The following SPDYC variants were observed in gnomAD, a reference collection of about 807,000 sequenced individuals.
The protein encoded by SPDYC is speedy protein C.
A neutral mutation model predicts 33.9 loss-of-function variants in SPDYC; 25 were observed. The ratio of observed to expected loss-of-function variants is 0.74; its 90% CI spans 0.54 to 1.03. The LOEUF is 1.03. SPDYC is among the 50% of genes least tolerant of loss of function. SPDYC has a pLI of 0.00. For synonymous variants in SPDYC, 133 were observed against 140.2 expected, an observed-to-expected ratio of 0.95 and a Z score of 0.36; for missense variants, 349 against 382.9, an observed-to-expected ratio of 0.91 and a Z score of 0.74.
At chr11:65,170,259 C>T (rs765089550) in exon 1 of SPDYC, 9 of 1,580,666 alleles carry the variant, frequency 5.7e-6, no homozygotes, top group East Asian at 2.4e-5. Flanking sequence ...TTCCTGAGCT[C>T]GGGTAAGGCT....
At chr11:65,172,891 T>G (rs1231492545) in exon 6 of SPDYC, 1 of 1,614,140 alleles carries the variant, frequency 6.2e-7, no homozygotes, top group East Asian at 2.2e-5. Context: ...TTCTCTGACC[T>G]CTGAATGTCA....
chr11:65,172,790 G>C (rs1228439541), exon 6 of SPDYC: 2 of 1,613,874 alleles, frequency 1.2e-6, no homozygotes, highest in African/African-American at 1.3e-5. Context: ...CTTCCCCGGG[G>C]CCCTGGCCTC....
At chr11:65,172,030 G>GA in intron 3 of SPDYC, 29 bp downstream of exon 3, 1 of 1,612,638 alleles carries the variant, frequency 6.2e-7, no homozygotes, top group Non-Finnish European at 8.5e-7. Flanking sequence ...GGGGTCTCTT[G>GA]AGGGTCAGGT....
In SPDYC at chr11:65,173,027, T is replaced by A; in HGVS notation, c.847+13T>A. The A allele has an allele frequency of 6.2e-7, 1 of 1,611,120 alleles. No homozygotes were observed. The highest frequency in any genetic ancestry group is 1.7e-5 in the Admixed American group (1 of 59,826). On this transcript the variant is annotated intron_variant, in intron 6 of 6. Coordinates refer to ENST00000377185, the Ensembl canonical transcript of SPDYC. ...TACTCCCTCCGCAGTGAGTGCAGGA[T>A]GGGACAGGAGCTGGGGGCTGGTGTG...
intron 3 of SPDYC, 48 bp downstream of exon 3, chr11:65,172,049 TG>T: frequency 1.2e-6 from 2 of 1,602,962 alleles, no homozygotes; most frequent in Non-Finnish European, 1.7e-6. Flanking sequence ...GTTGAGTTGG[TG>T]GGAATTGAGT....
In SPDYC at chr11:65,173,180, C is replaced by G; in HGVS notation, c.848-3C>G. 1 of 1,613,982 alleles carries G rather than the reference C, an allele frequency of 6.2e-7. No homozygotes were observed. The highest frequency in any genetic ancestry group is 8.5e-7 in the Non-Finnish European group (1 of 1,179,954). On this transcript the variant is annotated splice_polypyrimidine_tract_variant and splice_region_variant and intron_variant, in intron 6 of 6. Coordinates refer to ENST00000377185, the Ensembl canonical transcript of SPDYC. Reference sequence around the variant, plus strand: ...TCTGAGCCTCACTCTTTCCTCTCCCCAGTCTTCCCAAAGCCTCCGGCACGC... The same window carrying G: ...TCTGAGCCTCACTCTTTCCTCTCCCGAGTCTTCCCAAAGCCTCCGGCACGC...
At chr11:65,173,203 C>T (rs552653826) in exon 7 of SPDYC, 42 of 1,614,018 alleles carry the variant, frequency 2.6e-5, no homozygotes, top group Middle Eastern at 1.6e-4. Context: ...GCCTCCGGCA[C>T]GCCCTGGGCA....
chr11:65,173,071 G>GTGAGGA, intron 6 of SPDYC, 57 bp downstream of exon 6: 1 of 1,599,082 alleles, frequency 6.3e-7, no homozygotes, highest in Non-Finnish European at 8.5e-7. Context: ...GGAGGCAGGA[G>GTGAGGA]TGAGGACCAA....
chr11:65,170,355 T>TCGGCCC (rs1768954483), intron 1 of SPDYC, 94 bp downstream of exon 1: 1 of 1,302,342 alleles, frequency 7.7e-7, no homozygotes, highest in Non-Finnish European at 1.0e-6. Context: ...CACGTTCTCC[T>TCGGCCC]CGGCCCCGTG....
In SPDYC at chr11:65,172,910, C is replaced by T; in HGVS notation, c.743C>T (p.Pro248Leu). ...CTGACCTCTGAATGTCATCGCCCTC[C>T]CTCCCAAAATTATCTCTCAAGGGTC... The change falls in exon 6 of 7, where the codon CCC becomes CTC. Residue 248 changes from proline to leucine, a missense_variant. Coordinates refer to ENST00000377185, the Ensembl canonical transcript of SPDYC. 1.9e-6 allele frequency: 3 copies of T among 1,614,164 alleles called. No individual in the cohort carries two copies. In the South Asian group the frequency reaches 3.3e-5, roughly 18 times the overall value.
intron 2 of SPDYC, 126 bp downstream of exon 2, chr11:65,171,625 A>G (rs1948435288): frequency 8.4e-7 from 1 of 1,184,968 alleles, no homozygotes; most frequent in African/African-American, 1.5e-5. Flanking sequence ...CAGGTATCCC[A>G]GCTTAGGCAG....
At chr11:65,170,457 A>T (rs1300697891) in intron 1 of SPDYC, among the ~76,000 whole-genome samples, 196 bp downstream of exon 1, 1 of 151,726 alleles carries the variant, frequency 6.6e-6, no homozygotes, top group African/African-American at 2.4e-5. Flanking sequence ...AAATCCAGGT[A>T]TTTTTCTAAT....
At chr11:65,172,820 C>G (rs765132991) in exon 6 of SPDYC, 3 of 1,614,190 alleles carry the variant, frequency 1.9e-6, no homozygotes, top group African/African-American at 1.3e-5. Flanking sequence ...CACTGTTCCC[C>G]CTGTGGTTTG....
At chr11:65,172,147 T>C (rs1206763461) in intron 3 of SPDYC, 99 bp from the exon 4 acceptor site, 10 of 1,536,108 alleles carry the variant, frequency 6.5e-6, no homozygotes, top group Non-Finnish European at 9.0e-6. Context: ...ACTGACTTTC[T>C]TTCCCTGCAG....
chr11:65,172,815 T>G (rs772300181), exon 6 of SPDYC: 7 of 1,614,158 alleles, frequency 4.3e-6, no homozygotes, highest in Middle Eastern at 1.6e-4. Context: ...CGCCCCACTG[T>G]TCCCCCTGTG....
At chr11:65,172,588 C>T (rs778625589) in exon 5 of SPDYC, 12 of 1,552,102 alleles carry the variant, frequency 7.7e-6, no homozygotes, top group African/African-American at 4.1e-5. Flanking sequence ...TGTTGTGAGC[C>T]GCCAGTGCTG....
At chr11:65,172,085 C>T (rs1948441990) in intron 3 of SPDYC, 84 bp downstream of exon 3, 2 of 1,518,276 alleles carry the variant, frequency 1.3e-6, no homozygotes, top group South Asian at 2.3e-5. Context: ...GGGAGAGCCA[C>T]TCACCTTCCA....
exon 5 of SPDYC, chr11:65,172,487 T>C: frequency 6.3e-7 from 1 of 1,581,968 alleles, no homozygotes; most frequent in Non-Finnish European, 8.6e-7. Context: ...TGTGAGATTT[T>C]TCCATGGGCC....
intron 1 of SPDYC, 41 bp downstream of exon 1, chr11:65,170,302 G>T: frequency 2.6e-6 from 4 of 1,551,906 alleles, no homozygotes; most frequent in Non-Finnish European, 3.5e-6. Context: ...GCTTGCGGGC[G>T]CCTAGATGGA....
Sources: allele counts gnomAD v4.1 joint callset (sites outside exome capture counted in the v4.1 genomes callset), GRCh38; gene constraint gnomAD v4.1.1; transcripts MANE v1.5; gene names NCBI Gene and HGNC (gene_info 2026-07-23, HGNC 2026-07-21).